The following PDZD2 variants were observed in gnomAD, a reference collection of about 807,000 sequenced individuals.
PDZD2 encodes the protein PDZ domain containing 2, also known as PDZ domain-containing protein 2.
Under a neutral mutation model 220.7 loss-of-function variants are expected in PDZD2, and 90 were observed. The ratio of observed to expected loss-of-function variants is 0.41; its 90% confidence interval spans 0.34 to 0.49. PDZD2 has a LOEUF of 0.49. Among genes scored for constraint, PDZD2 ranks in the 20% least tolerant of loss-of-function variants. PDZD2 has a pLI of 0.28. For missense variants in PDZD2, 3,174 were observed against 3,608.5 expected (o/e 0.88, Z 3.08); for synonymous variants, 1,375 against 1,450.5 (o/e 0.95, Z 1.18).
At chr5:31,658,764 C>T (rs1403982085) in intron 1 of PDZD2, among the ~76,000 whole-genome samples, 1 of 152,126 alleles carries the variant, frequency 6.6e-6, no homozygotes, top group African/African-American at 2.4e-5. Flanking sequence ...GGATTACAGG[C>T]ACACGCCACC....
chr5:31,954,016 G>A (rs952276950), intron 2 of PDZD2, among the ~76,000 whole-genome samples: 37 of 151,960 alleles, frequency 2.4e-4, no homozygotes, highest in African/African-American at 6.5e-4. Context: ...CTCTGGAGGC[G>A]GAGACAGAAG....
rs558661141 is a variant in PDZD2 at position 31,947,283 on chromosome 5, T to A, written c.477-35872T>A. ...GGGCCTTGTTTCTGGGCTGTCGCGTTAGAATGGCCATGATGAAATGCCCAT... is the reference window on the plus strand; with the variant it reads ...GGGCCTTGTTTCTGGGCTGTCGCGTAAGAATGGCCATGATGAAATGCCCAT... On this transcript the variant is annotated intron_variant, in intron 2 of 24. Transcript: ENST00000438447. 1.9e-3 allele frequency among the ~76,000 whole-genome samples: 292 copies of A among 152,332 alleles called. 1 individual carries two copies. Among genetic ancestry groups the A allele is most frequent in the African/African-American group, 6.7e-3 (279 of 41,574 alleles).
chr5:31,795,219 T>A (rs996266636), intron 1 of PDZD2, among the ~76,000 whole-genome samples: 1 of 152,182 alleles, frequency 6.6e-6, no homozygotes, highest in African/African-American at 2.4e-5. Context: ...TGCTAACCAT[T>A]AGAGCATCTA....
chr5:31,989,424 T>TTTTTTTTTTTTTTTTTTTTATTTTTTTA (rs1429240437), intron 3 of PDZD2, among the ~76,000 whole-genome samples: 1 of 136,690 alleles, frequency 7.3e-6, no homozygotes, highest in African/African-American at 2.9e-5. Context: ...TTCTTTTCTT[T>TTTTTTTTTTTTTTTTTTTTATTTTTTTA]TTTTTTTTTT....
chr5:31,907,601 C>T (rs1009346772), intron 2 of PDZD2, among the ~76,000 whole-genome samples: 3 of 152,170 alleles, frequency 2.0e-5, no homozygotes, highest in African/African-American at 7.2e-5. Context: ...TGAATTCATC[C>T]ATCTATTTCC....
intron 5 of PDZD2, among the ~76,000 whole-genome samples, chr5:32,001,449 A>G (rs1423458903): frequency 1.4e-5 from 2 of 144,188 alleles, no homozygotes; most frequent in Non-Finnish European, 3.1e-5. Flanking sequence ...ACAGTGAGGC[A>G]GAGCTTCCGT....
intron 1 of PDZD2, among the ~76,000 whole-genome samples, chr5:31,698,819 C>A (rs1006871832): frequency 9.2e-5 from 14 of 152,194 alleles, no homozygotes; most frequent in Admixed American, 7.9e-4. Context: ...GAAGTACCTG[C>A]AGATTCGGGC....
chr5:32,074,186 G>A lies in PDZD2; in HGVS notation c.3080G>A (p.Ser1027Asn), dbSNP rs1741046540. Residue 1027 changes from serine (S) to asparagine (N), a missense_variant, in exon 18 of 25, where the codon AGC (serine) becomes AAC (asparagine). By Grantham distance (46) the Ser-to-Asn change is conservative. Transcript: ENST00000438447. The stretch of plus-strand genomic sequence containing the variant: ...GAACGACCCCGGAAAACACTGGTGA[G>A]CAAGGCCATCTCGGCACCTCTTCTT... ...QEERPRKTLV[S>N]KAISAPLLGS... 6.2e-7 allele frequency: 1 copy of A among 1,614,112 alleles called. No homozygotes were observed. Among genetic ancestry groups the A allele is most frequent in the Non-Finnish European group, 8.5e-7 (1 of 1,180,048 alleles).
At chr5:31,871,505 G>A (rs1264244959) in intron 2 of PDZD2, among the ~76,000 whole-genome samples, 1 of 152,192 alleles carries the variant, frequency 6.6e-6, no homozygotes, top group Non-Finnish European at 1.5e-5. Context: ...AGGCTGGAGT[G>A]CGGTGACATG....
chr5:32,072,107 A>C (rs3797064), intron 16 of PDZD2, 54 bp from the exon 17 acceptor site: 203,023 of 1,303,778 alleles, frequency 0.16, 16,568 homozygotes, highest in East Asian at 0.23. Context: ...ATAACCCTTG[A>C]AAGTCTGCTT....
At chr5:31,840,603 G>A (rs1580865701) in intron 2 of PDZD2, 1 of 716,772 alleles carries the variant, frequency 1.4e-6, no homozygotes, top group South Asian at 1.5e-5. Flanking sequence ...GTTGAACCCA[G>A]GTACCTTTCT....
Position 32,048,581 on chromosome 5 carries a change from T to C in PDZD2, c.1562T>C (p.Leu521Pro). The C allele has an allele frequency of 6.2e-7, 1 of 1,613,906 alleles. No homozygotes were observed. The highest frequency in any genetic ancestry group is 8.5e-7 in the Non-Finnish European group (1 of 1,179,838). The change falls in exon 8 of 25, where the codon CTG becomes CCG. Residue 521 changes from leucine (L) to proline (P), a missense_variant. Leu to Pro is a moderately conservative substitution (Grantham distance 98). Coordinates refer to ENST00000438447, the MANE Select transcript of PDZD2 (RefSeq NM_178140.4). ...RLESVEEYNE[L>P]MVRNGDPRIR... ...GAGTCAGTTGAAGAATATAACGAGC[T>C]GATGGTGCGGAATGGGGACCCCCGG... is the stretch of plus-strand genomic sequence containing the variant.
intron 6 of PDZD2, among the ~76,000 whole-genome samples, chr5:32,028,461 C>T (rs1754848088): frequency 2.0e-5 from 3 of 152,088 alleles, no homozygotes; most frequent in Non-Finnish European, 2.9e-5. Context: ...TGCAACTTTT[C>T]AGAGGTTCTG....
At chr5:31,718,733 G>T (rs1333663024) in intron 1 of PDZD2, among the ~76,000 whole-genome samples, 1 of 115,530 alleles carries the variant, frequency 8.7e-6, no homozygotes, top group East Asian at 2.6e-4. Flanking sequence ...ATGGAGTCTT[G>T]CTCTGTCTCC....
At chr5:32,096,009 C>T (rs1405143473) in intron 21 of PDZD2, among the ~76,000 whole-genome samples, 1 of 151,392 alleles carries the variant, frequency 6.6e-6, no homozygotes, top group South Asian at 2.1e-4. Context: ...TCCCAAAGTG[C>T]TGGGATTACA....
At chr5:31,947,888 AAG>A (rs1290632904) in intron 2 of PDZD2, among the ~76,000 whole-genome samples, 3 of 151,820 alleles carry the variant, frequency 2.0e-5, no homozygotes, top group South Asian at 2.1e-4. Flanking sequence ...AGGGGAGGGA[AAG>A]AGAGGGAAGG....
At chr5:31,752,128 G>T (rs966329094) in intron 1 of PDZD2, among the ~76,000 whole-genome samples, 2 of 124,400 alleles carry the variant, frequency 1.6e-5, no homozygotes, top group Non-Finnish European at 3.2e-5. Flanking sequence ...ACTTAGGCTG[G>T]AGTGCAGTGG....
intron 2 of PDZD2, among the ~76,000 whole-genome samples, chr5:31,803,123 G>A (rs576408856): frequency 2.7e-5 from 4 of 150,270 alleles, no homozygotes; most frequent in South Asian, 4.2e-4. Context: ...TGCAGACAGC[G>A]TCTTACTCTT....
chr5:31,898,808 CTTTTTTTTT>C (rs35589628), intron 2 of PDZD2, among the ~76,000 whole-genome samples: 1 of 123,472 alleles, frequency 8.1e-6, no homozygotes, highest in Non-Finnish European at 1.6e-5. Flanking sequence ...AGCCTCTCTT[CTTTTTTTTT>C]TTTTTTTTTG....
Sources: allele counts gnomAD v4.1 joint callset (sites outside exome capture counted in the v4.1 genomes callset), GRCh38; gene constraint gnomAD v4.1.1; transcripts MANE v1.5; gene names NCBI Gene and HGNC (gene_info 2026-07-23, HGNC 2026-07-21).